Variants in ZRANB2 observed in about 807,000 individuals in gnomAD.
The protein encoded by ZRANB2 is zinc finger RANBP2-type containing 2.
Under a neutral mutation model 53.4 loss-of-function variants are expected in ZRANB2, and 19 were observed. The ratio of observed to expected loss-of-function variants is 0.36; its 90% CI spans 0.25 to 0.52. The LOEUF (loss-of-function observed/expected upper bound fraction) is 0.52, where lower values mean the gene tolerates loss of function less well. Among genes scored for constraint, ZRANB2 ranks in the 20% least tolerant of loss-of-function variants. The pLI, the probability that ZRANB2 is intolerant of heterozygous loss-of-function variation, is 0.93. For missense variants in ZRANB2, 309 were observed against 401.1 expected, an observed-to-expected ratio of 0.77 and a Z score of 1.96; for synonymous variants, 145 against 134.8, an observed-to-expected ratio of 1.08 and a Z score of -0.52.
chr1:71,075,152 G>A (rs1209123149), intron 4 of ZRANB2, among the ~76,000 whole-genome samples: 1 of 151,922 alleles, frequency 6.6e-6, no homozygotes, highest in African/African-American at 2.4e-5. Flanking sequence ...AATCAAAATG[G>A]GTTTTTTAAA....
intron 1 of ZRANB2, 114 bp from the exon 2 acceptor site, chr1:71,078,822 T>C (rs1661769064): frequency 1.1e-6 from 1 of 892,864 alleles, no homozygotes; most frequent in African/African-American, 1.7e-5. Context: ...TTAGTCATGT[T>C]AATGTCAATG....
intron 1 of ZRANB2, among the ~76,000 whole-genome samples, chr1:71,080,286 C>T (rs1311722438): frequency 6.6e-6 from 1 of 152,106 alleles, no homozygotes. Flanking sequence ...CACTAACACA[C>T]GTGCTTCTCT....
chr1:71,067,398 C>A (rs990426525), intron 8 of ZRANB2: 6 of 222,888 alleles, frequency 2.7e-5, no homozygotes, highest in Non-Finnish European at 5.5e-5. Flanking sequence ...ATGGAAAAAC[C>A]AGGTATATGG....
In ZRANB2 at chr1:71,066,952, CAA is replaced by C. The variant is rs1661457067; in HGVS notation, c.771-20_771-19del. ...AGCTGGATCTTCATTGATTGAGAAA[CAA>C]ATCAAACATTTCATTAAAAGAAGAA... On this transcript the variant is annotated intron_variant, in intron 8 of 9. Coordinates refer to ENST00000370920, the MANE Select transcript of ZRANB2 (RefSeq NM_203350.3). 4 of 1,537,892 alleles carry C rather than the reference CAA, an allele frequency of 2.6e-6. No individual in the cohort carries two copies. The highest frequency in any genetic ancestry group is 3.5e-6 in the Non-Finnish European group (4 of 1,143,632).
intron 7 of ZRANB2, among the ~76,000 whole-genome samples, chr1:71,070,498 C>T (rs1237288562): frequency 6.6e-6 from 1 of 152,054 alleles, no homozygotes; most frequent in African/African-American, 2.4e-5. Context: ...CAGATCTCCC[C>T]TTTACTTAAT....
Position 71,076,835 on chromosome 1 carries a change from C to T in ZRANB2, c.261G>A (p.Met87Ile). The change falls in exon 4 of 10, where the codon ATG becomes ATA. Residue 87 changes from methionine to isoleucine, a missense_variant. By Grantham distance (10) the Met-to-Ile change is conservative (BLOSUM62 1). This residue lies in a region of ZRANB2 where 74 missense variants were observed against 180.1 expected (regional missense o/e 0.41). Coordinates refer to ENST00000370920, the MANE Select transcript of ZRANB2 (RefSeq NM_203350.3). ...ATTTAGCATACTTTGGAGTATTACACATATTACACTCTGATCTTCTGGCCC... is the reference window on the plus strand; with the variant it reads ...ATTTAGCATACTTTGGAGTATTACATATATTACACTCTGATCTTCTGGCCC... Reference protein sequence around the residue: ...VNWARRSECNMCNTPKYAKLE... With the variant: ...VNWARRSECNICNTPKYAKLE... The T allele has an allele frequency of 6.2e-7, 1 of 1,612,656 alleles. No individual in the cohort carries two copies. Among genetic ancestry groups the T allele is most frequent in the South Asian group, 1.1e-5 (1 of 90,644 alleles).
chr1:71,074,021 T>C (rs547284986), intron 4 of ZRANB2, among the ~76,000 whole-genome samples: 2 of 152,284 alleles, frequency 1.3e-5, no homozygotes, highest in Admixed American at 6.5e-5. Context: ...GATAATGCTG[T>C]ATAAATTGGT....
intron 8 of ZRANB2, among the ~76,000 whole-genome samples, chr1:71,068,957 T>A (rs948930627): frequency 2.6e-5 from 4 of 152,030 alleles, no homozygotes; most frequent in South Asian, 2.1e-4. Context: ...CCTGGCCATA[T>A]ATAATCTTAA....
At chr1:71,078,190 C>T (rs937736827) in intron 3 of ZRANB2, among the ~76,000 whole-genome samples, 2 of 152,098 alleles carry the variant, frequency 1.3e-5, no homozygotes, top group South Asian at 2.1e-4. Flanking sequence ...AGTACCACCA[C>T]CCCCCGATTG....
At chr1:71,067,012 C>T in intron 8 of ZRANB2, 78 bp from the exon 9 acceptor site, 1 of 1,347,060 alleles carries the variant, frequency 7.4e-7, no homozygotes, top group Non-Finnish European at 9.9e-7. Context: ...CAGATAGCTC[C>T]AAAAATAAAC....
intron 3 of ZRANB2, among the ~76,000 whole-genome samples, chr1:71,077,502 T>C (rs1408183061): frequency 6.6e-6 from 1 of 152,206 alleles, no homozygotes; most frequent in East Asian, 1.9e-4. Flanking sequence ...ACCAAATCTG[T>C]AGCTGGAAAC....
chr1:71,076,908 G>A (rs766958954), intron 3 of ZRANB2, 31 bp from the exon 4 acceptor site: 2 of 1,470,780 alleles, frequency 1.4e-6, no homozygotes, highest in East Asian at 4.5e-5. Flanking sequence ...AAATTAGTAG[G>A]CTATAATATA....
At position 71,064,972 on chromosome 1, in the gene ZRANB2, T is replaced by C. The variant is rs895071639; in HGVS notation, c.*102A>G. 13 of 688,834 alleles carry C rather than the reference T, an allele frequency of 1.9e-5. No individual in the cohort carries two copies. Among genetic ancestry groups the C allele is most frequent in the Middle Eastern group, 2.7e-4 (1 of 3,714 alleles). The allele number at this position is 688,834 out of a possible 1,614,324, so 42.7% of individuals were successfully genotyped here. A position where few individuals can be genotyped will look rare whatever the true frequency, so the allele number is the denominator to read the frequency against. On this transcript the variant is annotated 3_prime_UTR_variant, in exon 10 of 10. Transcript: ENST00000370920. ...AAAAGCAATGAAAGGCATGCACCTCTACTAGCAGATTTAGCACTTCTGACC... is the reference window on the plus strand; with the variant it reads ...AAAAGCAATGAAAGGCATGCACCTCCACTAGCAGATTTAGCACTTCTGACC...
intron 3 of ZRANB2, among the ~76,000 whole-genome samples, chr1:71,077,646 G>T (rs1661737242): frequency 6.6e-6 from 1 of 152,128 alleles, no homozygotes; most frequent in South Asian, 2.1e-4. Context: ...TTGAGCTCAG[G>T]TGTTCGAGGC....
At chr1:71,079,434 G>GC (rs1661785841) in intron 1 of ZRANB2, among the ~76,000 whole-genome samples, 1 of 152,138 alleles carries the variant, frequency 6.6e-6, no homozygotes, top group Non-Finnish European at 1.5e-5. Context: ...TATGTTAAAT[G>GC]CTCTGGATAA....
rs1661762774 is a variant in ZRANB2 at position 71,078,529 on chromosome 1, C to A, written c.146G>T (p.Gly49Val). Reference sequence around the variant, plus strand: ...TGCAAGTGTCTTTCCTATTTCAGTGCCCCCAGCTTTCATCATCTTGGCCTC... The same window carrying A: ...TGCAAGTGTCTTTCCTATTTCAGTGACCCCAGCTTTCATCATCTTGGCCTC... ...TTEAKMMKAG[G>V]TEIGKTLAEK... The change falls in exon 3 of 10, where the codon GGC (glycine) becomes GTC (valine). Residue 49 changes from glycine (G) to valine (V), a missense_variant. Gly to Val is a moderately radical substitution (Grantham distance 109). This residue lies in a region of ZRANB2 where 74 missense variants were observed against 180.1 expected (regional missense o/e 0.41). Coordinates refer to ENST00000370920, the MANE Select transcript of ZRANB2 (RefSeq NM_203350.3). The A allele has an allele frequency of 6.2e-7, 1 of 1,613,850 alleles. No homozygotes were observed. The highest frequency in any genetic ancestry group is 2.2e-5 in the East Asian group (1 of 44,856).
At chr1:71,076,050 A>G (rs1661703457) in intron 4 of ZRANB2, among the ~76,000 whole-genome samples, 1 of 152,172 alleles carries the variant, frequency 6.6e-6, no homozygotes, top group Admixed American at 6.5e-5. Context: ...ACAGGGAAGC[A>G]GTTCACCAAG....
intron 8 of ZRANB2, chr1:71,067,799 A>C (rs1021851784): frequency 3.0e-5 from 11 of 371,206 alleles, no homozygotes; most frequent in South Asian, 2.3e-4. Flanking sequence ...CCAGAACTTA[A>C]GGATTTTTAC....
intron 1 of ZRANB2, among the ~76,000 whole-genome samples, chr1:71,080,174 G>A (rs1010571551): frequency 6.6e-6 from 1 of 152,016 alleles, no homozygotes; most frequent in African/African-American, 2.4e-5. Context: ...TATTTTCCAT[G>A]TTATTTCCGA....
Sources: allele counts gnomAD v4.1 joint callset (sites outside exome capture counted in the v4.1 genomes callset), GRCh38; gene constraint gnomAD v4.1.1; regional missense constraint gnomAD v4.1.1; transcripts MANE v1.5; gene names NCBI Gene and HGNC (gene_info 2026-07-23, HGNC 2026-07-21).